Variants in PLEKHA5 observed in about 807,000 individuals in gnomAD.
PLEKHA5 encodes pleckstrin homology domain-containing family A member 5.
PLEKHA5 carries 55 observed loss-of-function variants against 181.9 expected under a neutral mutation model. The ratio of observed to expected loss-of-function variants is 0.30; its 90% CI spans 0.24 to 0.38. The LOEUF (loss-of-function observed/expected upper bound fraction) is 0.38, where lower values mean the gene tolerates loss of function less well. Ranked by LOEUF, PLEKHA5 falls within the 10% of genes least tolerant of loss-of-function variation. PLEKHA5 has a pLI of 1.00. For missense variants in PLEKHA5, 1,432 were observed against 1,549.5 expected (o/e 0.92, Z 1.27); for synonymous variants, 535 against 529.4 (o/e 1.01, Z -0.15).
At position 19,143,995 on chromosome 12, in the gene PLEKHA5, C is replaced by T. The variant is rs2038184529; in HGVS notation, c.227+11545C>T. ...AAATACATGAGCTTTTTAGATGGTT[C>T]ATCACTTAACATTTGCCAAATTGCC... On this transcript the variant is annotated intron_variant, in intron 3 of 31. Coordinates refer to ENST00000429027, the MANE Select transcript of PLEKHA5 (RefSeq NM_001256470.2). 2.0e-5 allele frequency among the ~76,000 whole-genome samples: 3 copies of T among 152,102 alleles called. No individual in the cohort carries two copies. In the South Asian group the frequency reaches 6.2e-4, roughly 32 times the overall value.
chr12:19,248,168 A>G (rs747447405), intron 3 of PLEKHA5, among the ~76,000 whole-genome samples: 21 of 152,164 alleles, frequency 1.4e-4, no homozygotes, highest in Non-Finnish European at 2.5e-4. Context: ...GGCTGCAGAG[A>G]GTTGTGTTCA....
At chr12:19,132,273 T>A in intron 2 of PLEKHA5, 120 bp from the exon 3 acceptor site, 1 of 643,924 alleles carries the variant, frequency 1.6e-6, no homozygotes, top group Middle Eastern at 2.9e-4. Flanking sequence ...TCAACACTTT[T>A]TTTGTTAGTA....
intron 7 of PLEKHA5, among the ~76,000 whole-genome samples, chr12:19,261,983 A>G (rs1375624113): frequency 1.3e-5 from 2 of 152,168 alleles, no homozygotes; most frequent in Admixed American, 6.5e-5. Flanking sequence ...ATAAAATTGC[A>G]TTTTGTCATA....
At chr12:19,338,283 T>G (rs1343339819) in intron 21 of PLEKHA5, among the ~76,000 whole-genome samples, 1 of 152,018 alleles carries the variant, frequency 6.6e-6, no homozygotes, top group Non-Finnish European at 1.5e-5. Flanking sequence ...GATGAAACCT[T>G]GAACTCCTGG....
chr12:19,338,615 A>G (rs560800621), intron 21 of PLEKHA5, among the ~76,000 whole-genome samples: 1 of 151,976 alleles, frequency 6.6e-6, no homozygotes, highest in African/African-American at 2.4e-5. Flanking sequence ...CTCAAAAAAA[A>G]AAAACACAAA....
chr12:19,324,186 A>G (rs1383206433), intron 20 of PLEKHA5, among the ~76,000 whole-genome samples: 1 of 152,180 alleles, frequency 6.6e-6, no homozygotes, highest in Non-Finnish European at 1.5e-5. Context: ...AGATCCCAGA[A>G]TCTCAACTTG....
At chr12:19,198,256 G>T (rs2053398799) in intron 3 of PLEKHA5, among the ~76,000 whole-genome samples, 1 of 152,154 alleles carries the variant, frequency 6.6e-6, no homozygotes, top group Admixed American at 6.6e-5. Context: ...TCTAACCCTA[G>T]TTGACTTTTC....
intron 3 of PLEKHA5, among the ~76,000 whole-genome samples, chr12:19,221,119 T>G (rs1403360502): frequency 2.6e-5 from 4 of 152,182 alleles, no homozygotes; most frequent in Admixed American, 6.5e-5. Flanking sequence ...AGTCTTACCA[T>G]ATGATTCTGC....
At chr12:19,138,483 G>A (rs2036312411) in intron 3 of PLEKHA5, among the ~76,000 whole-genome samples, 2 of 151,544 alleles carry the variant, frequency 1.3e-5, no homozygotes, top group East Asian at 2.0e-4. Context: ...TGAGGCAGGA[G>A]AATCGCTTGA....
At chr12:19,158,743 C>T (rs1318237743) in intron 3 of PLEKHA5, among the ~76,000 whole-genome samples, 1 of 152,146 alleles carries the variant, frequency 6.6e-6, no homozygotes, top group African/African-American at 2.4e-5. Context: ...GTTTTGAGAA[C>T]AGACCTGTTT....
chr12:19,367,007 T>TC (rs1322208498), intron 30 of PLEKHA5, among the ~76,000 whole-genome samples: 1 of 152,056 alleles, frequency 6.6e-6, no homozygotes, highest in African/African-American at 2.4e-5. Flanking sequence ...AACCTCTGCC[T>TC]CCCTAGTAGC....
intron 20 of PLEKHA5, among the ~76,000 whole-genome samples, chr12:19,325,470 A>T (rs1372153671): frequency 1.3e-5 from 2 of 151,878 alleles, no homozygotes; most frequent in East Asian, 3.9e-4. Flanking sequence ...CGGGCGGATC[A>T]CAAGGTCAGG....
At chr12:19,340,854 C>T (rs1488131578) in intron 21 of PLEKHA5, among the ~76,000 whole-genome samples, 2 of 150,194 alleles carry the variant, frequency 1.3e-5, no homozygotes, top group African/African-American at 2.4e-5. Context: ...AAACCAGAGA[C>T]CTTTGTTCAC....
At chr12:19,154,794 C>T (rs1514830) in intron 3 of PLEKHA5, 6 of 152,230 alleles carry the variant, frequency 3.9e-5, no homozygotes, top group African/African-American at 1.4e-4. Context: ...TCTTTTATAA[C>T]GGCATCAGAC....
rs78791963 is a variant in PLEKHA5 at position 19,343,310 on chromosome 12, T to C, written c.2551-13T>C. 4.6e-4 allele frequency: 729 copies of C among 1,572,944 alleles called. No homozygotes were observed. Among genetic ancestry groups the C allele is most frequent in the Non-Finnish European group, 6.1e-4 (694 of 1,143,232 alleles). On this transcript the variant is annotated splice_polypyrimidine_tract_variant and intron_variant, in intron 21 of 31. Transcript: ENST00000429027. ...TTTTTTCTTATATATGGTCTATCCA[T>C]TTTTACTGATAGACGGAATCAGCAG... is the stretch of plus-strand genomic sequence containing the variant.
intron 11 of PLEKHA5, among the ~76,000 whole-genome samples, chr12:19,278,049 T>C (rs2075081263): frequency 6.6e-6 from 1 of 152,190 alleles, no homozygotes; most frequent in Non-Finnish European, 1.5e-5. Flanking sequence ...TTGAATTTCT[T>C]TGGGGAAAAA....
chr12:19,170,375 G>A (rs2151647923), intron 3 of PLEKHA5, among the ~76,000 whole-genome samples: 1 of 152,130 alleles, frequency 6.6e-6, no homozygotes, highest in South Asian at 2.1e-4. Context: ...AATGGGTGAG[G>A]TGAAAACTTT....
chr12:19,261,442 G>A (rs2068470049), intron 7 of PLEKHA5, among the ~76,000 whole-genome samples: 1 of 152,126 alleles, frequency 6.6e-6, no homozygotes, highest in African/African-American at 2.4e-5. Flanking sequence ...TGAAAAAAGT[G>A]AAATACAAAT....
At chr12:19,228,437 TG>T (rs1389809293) in intron 3 of PLEKHA5, among the ~76,000 whole-genome samples, 1 of 152,148 alleles carries the variant, frequency 6.6e-6, no homozygotes, top group Non-Finnish European at 1.5e-5. Flanking sequence ...TATTTTTCTC[TG>T]TTTTTTTCTG....
Sources: gnomAD v4.1 joint callset for allele counts (sites outside exome capture counted in the v4.1 genomes callset) on GRCh38, gnomAD v4.1.1 for gene constraint, MANE v1.5 for transcripts, NCBI Gene and HGNC (gene_info 2026-07-23, HGNC 2026-07-21) for gene names.